Variants in HCFC2 observed in about 807,000 individuals in gnomAD.
HCFC2 encodes the protein host cell factor C2.
In HCFC2, 18 loss-of-function variants were observed where a neutral mutation model predicts 89.2. The observed-to-expected ratio is 0.20, with a 90% CI of 0.14 to 0.30. The LOEUF is 0.30. Ranked by LOEUF, HCFC2 falls within the 10% of genes least tolerant of loss-of-function variation. The probability of loss-of-function intolerance (pLI) is 1.00; values close to 1 mark genes in which losing one functional copy is unlikely to be tolerated. For synonymous variants in HCFC2, 308 were observed against 335.7 expected, an observed-to-expected ratio of 0.92 and a Z score of 0.90; for missense variants, 578 against 956.1, an observed-to-expected ratio of 0.60 and a Z score of 5.21.
intron 9 of HCFC2, among the ~76,000 whole-genome samples, chr12:104,090,531 T>C (rs1389250630): frequency 2.6e-5 from 4 of 152,094 alleles, no homozygotes; most frequent in African/African-American, 9.7e-5. Flanking sequence ...CTGATTTTGC[T>C]TTTTATCTTC....
At chr12:104,076,648 A>C (rs1246543170) in intron 3 of HCFC2, among the ~76,000 whole-genome samples, 1 of 151,258 alleles carries the variant, frequency 6.6e-6, no homozygotes, top group Non-Finnish European at 1.5e-5. Flanking sequence ...TTTGTATTAT[A>C]ATAGGGTAGT....
At chr12:104,083,618 T>C (rs914924452) in intron 7 of HCFC2, among the ~76,000 whole-genome samples, 5 of 152,126 alleles carry the variant, frequency 3.3e-5, no homozygotes, top group Admixed American at 3.3e-4. Context: ...TGTGGTAATA[T>C]TAGGGGAAGC....
chr12:104,081,600 GTT>G (rs34494975), intron 5 of HCFC2, among the ~76,000 whole-genome samples: 20 of 138,522 alleles, frequency 1.4e-4, no homozygotes, highest in African/African-American at 3.4e-4. Flanking sequence ...TTAGAACCTA[GTT>G]TTTTTTTTTT....
intron 5 of HCFC2, among the ~76,000 whole-genome samples, chr12:104,081,854 G>A (rs771830982): frequency 3.5e-5 from 5 of 141,212 alleles, no homozygotes; most frequent in South Asian, 2.2e-4. Context: ...GCAGTGGACC[G>A]TTATCATGCC....
At chr12:104,089,682 C>G (rs1171922755) in intron 9 of HCFC2, among the ~76,000 whole-genome samples, 3 of 152,156 alleles carry the variant, frequency 2.0e-5, no homozygotes, top group Non-Finnish European at 4.4e-5. Context: ...CCACATCCTT[C>G]ACATATTTTT....
chr12:104,085,796 C>T (rs979566893), intron 7 of HCFC2, among the ~76,000 whole-genome samples: 5 of 151,458 alleles, frequency 3.3e-5, no homozygotes, highest in Non-Finnish European at 5.9e-5. Context: ...TGAAAAATCA[C>T]GTTCTTTGCT....
At chr12:104,101,542 G>T (rs1565816944) in intron 13 of HCFC2, among the ~76,000 whole-genome samples, 2 of 152,028 alleles carry the variant, frequency 1.3e-5, no homozygotes, top group Non-Finnish European at 2.9e-5. Flanking sequence ...TATGAAGCTT[G>T]CTTGCCTGTC....
chr12:104,083,291 G>A lies in HCFC2; in HGVS notation c.1063+390G>A, dbSNP rs570275872. ...TCATGTGATAAGTGAAAGTACCTCG[G>A]TGGTATTCCCAAATCCATAACCTCA... On this transcript the variant is annotated intron_variant, in intron 7 of 14. Transcript: ENST00000229330. Among the ~76,000 whole-genome samples, 31 of 152,204 alleles carry A rather than the reference G, an allele frequency of 2.0e-4. 1 individual carries two copies. The South Asian group carries it at 6.2e-3, about 31-fold the overall frequency.
intron 3 of HCFC2, among the ~76,000 whole-genome samples, chr12:104,069,374 G>C (rs1883249471): frequency 6.6e-6 from 1 of 151,958 alleles, no homozygotes; most frequent in South Asian, 2.1e-4. Context: ...TAGTCCTCAT[G>C]TTGTACATTA....
chr12:104,075,427 A>G (rs1195391577), intron 3 of HCFC2, among the ~76,000 whole-genome samples: 1 of 121,730 alleles, frequency 8.2e-6, no homozygotes, highest in Non-Finnish European at 1.8e-5. Flanking sequence ...CTTTAACTCT[A>G]TTCCATTTCT....
chr12:104,066,017 C>A, intron 1 of HCFC2, 150 bp from the exon 2 acceptor site: 1 of 733,560 alleles, frequency 1.4e-6, no homozygotes, highest in South Asian at 1.7e-5. Context: ...GTTGTGACAA[C>A]TAAAAATGTC....
intron 13 of HCFC2, among the ~76,000 whole-genome samples, chr12:104,100,897 T>C (rs1192999573): frequency 2.0e-5 from 3 of 152,118 alleles, no homozygotes; most frequent in Non-Finnish European, 4.4e-5. Context: ...AAAAATAGCC[T>C]AAAATTTAGA....
rs563499508 is a variant in HCFC2 at position 104,091,649 on chromosome 12, A to G, written c.1285-1737A>G. Among the ~76,000 whole-genome samples the G allele has an allele frequency of 2.6e-5, 4 of 152,320 alleles. No individual in the cohort carries two copies. In the South Asian group the frequency reaches 8.3e-4, roughly 32 times the overall value. ...ACTTATTTTATAAAATTCCAGTTAG[A>G]CTGAGTGTCTGATTTTAAGCAAAAA... On this transcript the variant is annotated intron_variant, in intron 9 of 14. Coordinates refer to ENST00000229330, the MANE Select transcript of HCFC2 (RefSeq NM_013320.3).
At chr12:104,087,906 T>A (rs1343226430) in intron 8 of HCFC2, 80 bp from the exon 9 acceptor site, 1 of 766,934 alleles carries the variant, frequency 1.3e-6, no homozygotes, top group Non-Finnish European at 1.9e-6. Context: ...AACTTTAATA[T>A]GTAACTTTAA....
intron 3 of HCFC2, among the ~76,000 whole-genome samples, chr12:104,073,363 C>T (rs369445686): frequency 1.3e-5 from 2 of 151,788 alleles, no homozygotes; most frequent in African/African-American, 4.8e-5. Flanking sequence ...CAGGGTTTCA[C>T]TTTGTTGGCC....
chr12:104,094,255 G>A (rs1884113165), intron 10 of HCFC2, among the ~76,000 whole-genome samples: 2 of 152,134 alleles, frequency 1.3e-5, no homozygotes. Flanking sequence ...CATAAATTTA[G>A]AAATTAAGAG....
intron 12 of HCFC2, chr12:104,097,704 G>GATA: frequency 1.1e-6 from 1 of 905,598 alleles, no homozygotes; most frequent in Non-Finnish European, 1.3e-6. Flanking sequence ...TAGTTCCAGG[G>GATA]ATAAGTATAA....
rs768240762 is a variant in HCFC2 at position 104,093,419 on chromosome 12, C to T, written c.1318C>T (p.Gln440Ter). The change falls in exon 10 of 15, where the codon CAG (glutamine) becomes TAG (stop). Residue 440 changes from glutamine to a stop codon, truncating the protein, a stop_gained. Transcript: ENST00000229330. LOFTEE classifies it high-confidence loss of function. Reference sequence around the variant, plus strand: ...TACAATAAACAGCACAAAAACTGAACAGCCAGCCACAAAAGAAACTTCAAT... The same window carrying T: ...TACAATAAACAGCACAAAAACTGAATAGCCAGCCACAAAAGAAACTTCAAT... Reference protein sequence around the residue: ...NDTINSTKTEQPATKETSMKN... With the variant: ...NDTINSTKTE 1 of 1,612,928 alleles carries T rather than the reference C, an allele frequency of 6.2e-7. No homozygotes were observed. The highest frequency in any genetic ancestry group is 1.3e-5 in the African/African-American group (1 of 74,866).
At chr12:104,085,638 T>C (rs939798490) in intron 7 of HCFC2, among the ~76,000 whole-genome samples, 2 of 152,120 alleles carry the variant, frequency 1.3e-5, no homozygotes, top group Non-Finnish European at 2.9e-5. Context: ...GGGCAAAATA[T>C]AGATTTTGCT....
Sources: gnomAD v4.1 joint callset for allele counts (sites outside exome capture counted in the v4.1 genomes callset) on GRCh38, gnomAD v4.1.1 for gene constraint, MANE v1.5 for transcripts, NCBI Gene and HGNC (gene_info 2026-07-23, HGNC 2026-07-21) for gene names.